COL5A2: variants seen among roughly 807,000 people sequenced by gnomAD.
The protein encoded by COL5A2 is collagen alpha-2(V) chain.
A neutral mutation model predicts 208.2 loss-of-function variants in COL5A2; 23 were observed. The ratio of observed to expected loss-of-function variants is 0.11; its 90% CI spans 0.08 to 0.16. COL5A2 has a LOEUF of 0.16. COL5A2 is among the 10% of genes least tolerant of loss of function. COL5A2 has a pLI of 1.00. For missense variants in COL5A2, 1,590 were observed against 1,956.4 expected (o/e 0.81, Z 3.53); for synonymous variants, 625 against 628.5 (o/e 0.99, Z 0.08).
At chr2:189,231,429 T>C in the COL5A2 span, among the ~76,000 whole-genome samples, 94 of 151,800 alleles carry the variant, frequency 6.2e-4, no homozygotes, top group Middle Eastern at 3.4e-3. Context: ...TTCTGAAAGG[T>C]GGCCTCAGGA....
intron 44 of COL5A2, among the ~76,000 whole-genome samples, chr2:189,048,575 T>C (rs1294968987): frequency 6.6e-6 from 1 of 152,224 alleles, no homozygotes; most frequent in Non-Finnish European, 1.5e-5. Flanking sequence ...GTATTAACAA[T>C]GAAAGGCTTT....
rs146481025 is a variant in COL5A2 at position 189,053,923 on chromosome 2, A to G, written c.2471T>C (p.Val824Ala). Residue 824 changes from valine (V) to alanine (A), a missense_variant, in exon 37 of 54, where the codon GTT becomes GCT. Transcript: ENST00000374866. ...EKGEPGPRGL[V>A]GPPGSRGNPG... is the part of the protein sequence containing the mutation. ...ATTGCCCCGGGAGCCAGGAGGGCCAACTAAACCTCGAGGACCAGGTTCACC... is the reference window on the plus strand; with the variant it reads ...ATTGCCCCGGGAGCCAGGAGGGCCAGCTAAACCTCGAGGACCAGGTTCACC... The G allele has an allele frequency of 3.7e-6, 6 of 1,614,088 alleles. No homozygotes were observed. Among genetic ancestry groups the G allele is most frequent in the South Asian group, 1.1e-5 (1 of 91,058 alleles).
chr2:189,179,295 A>C (rs1688738633), intron 1 of COL5A2, among the ~76,000 whole-genome samples: 1 of 152,170 alleles, frequency 6.6e-6, no homozygotes, highest in African/African-American at 2.4e-5. Context: ...AGAAAAATTT[A>C]GTAGTGTACT....
At chr2:189,047,413 T>G (rs1312238458) in intron 45 of COL5A2, among the ~76,000 whole-genome samples, 1 of 152,178 alleles carries the variant, frequency 6.6e-6, no homozygotes, top group Non-Finnish European at 1.5e-5. Context: ...TCTTCCCCTT[T>G]TTTTTCAATA....
chr2:189,428,762 C>T, the COL5A2 span, among the ~76,000 whole-genome samples: 1 of 152,218 alleles, frequency 6.6e-6, no homozygotes, highest in African/African-American at 2.4e-5. Flanking sequence ...CAGAATTATG[C>T]TTCCTGTACA....
At chr2:189,428,313 T>C in the COL5A2 span, among the ~76,000 whole-genome samples, 1 of 152,128 alleles carries the variant, frequency 6.6e-6, no homozygotes, top group Non-Finnish European at 1.5e-5. Flanking sequence ...AGAGTTCTCA[T>C]GATATCTGGT....
the COL5A2 span, among the ~76,000 whole-genome samples, chr2:189,231,777 A>C: frequency 2.2e-5 from 3 of 137,934 alleles, no homozygotes; most frequent in Non-Finnish European, 4.9e-5. Context: ...AGAAAAAGAT[A>C]CATTTGTGTT....
the COL5A2 span, among the ~76,000 whole-genome samples, chr2:189,406,684 A>G: frequency 1.3e-5 from 2 of 152,124 alleles, no homozygotes. Context: ...AAACTGACCG[A>G]CTTATACATT....
At chr2:189,276,476 G>C in the COL5A2 span, among the ~76,000 whole-genome samples, 1 of 152,212 alleles carries the variant, frequency 6.6e-6, no homozygotes, top group Admixed American at 6.5e-5. Flanking sequence ...AGTTTTTTCT[G>C]GTTTTATGAA....
chr2:189,376,389 C>A, the COL5A2 span, among the ~76,000 whole-genome samples: 1 of 151,976 alleles, frequency 6.6e-6, no homozygotes, highest in African/African-American at 2.4e-5. Context: ...AATTTCCTAC[C>A]ATATTCTTGA....
intron 1 of COL5A2, among the ~76,000 whole-genome samples, chr2:189,170,410 T>C (rs2105817070): frequency 6.6e-6 from 1 of 152,260 alleles, no homozygotes; most frequent in Non-Finnish European, 1.5e-5. Flanking sequence ...ACAAACACAC[T>C]TGCAACATAA....
Position 189,064,607 on chromosome 2 carries a change from T to C in COL5A2, c.1666A>G (p.Ser556Gly). The change falls in exon 25 of 54, where the codon AGC (serine) becomes GGC (glycine). Residue 556 changes from serine (S) to glycine (G), a missense_variant. Ser to Gly is a moderately conservative substitution (Grantham distance 56, BLOSUM62 0). Transcript: ENST00000374866. Reference protein sequence around the residue: ...GPVGSSGPKGSQGDPGRPGEP... With the variant: ...GPVGSSGPKGGQGDPGRPGEP... ...CCTGGACGTCCTGGATCCCCCTGGC[T>C]TCCTTTGGGTCCTGAAGAACCTACA... The C allele has an allele frequency of 5.0e-6, 8 of 1,614,000 alleles. No homozygotes were observed. The highest frequency in any genetic ancestry group is 6.8e-6 in the Non-Finnish European group (8 of 1,179,984).
At position 189,039,387 on chromosome 2, in the gene COL5A2, A is replaced by G. The variant is rs776905680; in HGVS notation, c.3810T>C (p.Ala1270=). The change falls in exon 51 of 54, where the codon GCT becomes GCC. Residue 1270 remains alanine (A), a synonymous_variant. Transcript: ENST00000374866. ...TCTGACTACTGAGTGACTTCAGGGT[A>G]GCATGAACCCCTGGGTCCGTTTTGT... ...DKNKTDPGVH[A]TLKSLSSQIE... is the part of the protein sequence containing the mutation. The G allele has an allele frequency of 6.2e-7, 1 of 1,614,086 alleles. No individual in the cohort carries two copies. Among genetic ancestry groups the G allele is most frequent in the Non-Finnish European group, 8.5e-7 (1 of 1,180,022 alleles).
At chr2:189,437,190 T>C in the COL5A2 span, among the ~76,000 whole-genome samples, 1 of 152,152 alleles carries the variant, frequency 6.6e-6, no homozygotes, top group Non-Finnish European at 1.5e-5. Flanking sequence ...CCAGGGCTGT[T>C]GAGATAATTA....
rs575706666 is a variant in COL5A2 at position 189,061,802 on chromosome 2, G to C, written c.1978-187C>G. ...TATTGTTTGAAGTCTCTGGAGGTGA[G>C]AAAATATCTTCTAAAGCCAGTAACT... On this transcript the variant is annotated intron_variant, in intron 29 of 53. Coordinates refer to ENST00000374866, the MANE Select transcript of COL5A2 (RefSeq NM_000393.5). 2.6e-4 allele frequency among the ~76,000 whole-genome samples: 39 copies of C among 152,214 alleles called. 1 individual carries two copies. The highest frequency in any genetic ancestry group is 7.7e-4 in the African/African-American group (32 of 41,532).
intron 8 of COL5A2, 90 bp from the exon 9 acceptor site, chr2:189,086,860 A>G: frequency 8.7e-7 from 1 of 1,154,296 alleles, no homozygotes; most frequent in Non-Finnish European, 1.3e-6. Flanking sequence ...TAGAATCTGG[A>G]AAAGTGAAGT....
the COL5A2 span, among the ~76,000 whole-genome samples, chr2:189,253,965 T>A: frequency 1.3e-5 from 2 of 152,128 alleles, no homozygotes; most frequent in Non-Finnish European, 2.9e-5. Flanking sequence ...ATTCACTCAC[T>A]CACACACTCA....
the COL5A2 span, among the ~76,000 whole-genome samples, chr2:189,230,595 C>T: frequency 1.3e-5 from 2 of 151,808 alleles, no homozygotes; most frequent in Non-Finnish European, 2.9e-5. Context: ...ATACTCCTCA[C>T]TAATTATCAG....
the COL5A2 span, among the ~76,000 whole-genome samples, chr2:189,377,551 G>A: frequency 6.6e-6 from 1 of 152,182 alleles, no homozygotes; most frequent in Non-Finnish European, 1.5e-5. Context: ...ATGAATAAAT[G>A]TTTGAATAAA....
Sources: gnomAD v4.1 joint callset for allele counts (sites outside exome capture counted in the v4.1 genomes callset) on GRCh38, gnomAD v4.1.1 for gene constraint, MANE v1.5 for transcripts, NCBI Gene and HGNC (gene_info 2026-07-23, HGNC 2026-07-21) for gene names.